ABLIM2: variants seen among roughly 807,000 people sequenced by gnomAD.
ABLIM2 encodes actin binding LIM protein family member 2, also known as actin-binding LIM protein 2.
Under a neutral mutation model 97.7 loss-of-function variants are expected in ABLIM2, and 53 were observed. The observed-to-expected ratio is 0.54, with a 90% CI of 0.44 to 0.68. The LOEUF is 0.68. ABLIM2 is among the 30% of genes least tolerant of loss of function. The probability of loss-of-function intolerance (pLI) is 0.00; values close to 1 mark genes in which losing one functional copy is unlikely to be tolerated. For missense variants in ABLIM2, 835 were observed against 867.2 expected (o/e 0.96, Z 0.47); for synonymous variants, 361 against 345.8 (o/e 1.04, Z -0.49).
At chr4:8,041,911 G>GA (rs58412726) in intron 9 of ABLIM2, among the ~76,000 whole-genome samples, 61,304 of 147,760 alleles carry the variant, frequency 0.41, 13,727 homozygotes, top group African/African-American at 0.62. Flanking sequence ...TTCAAAAAAA[G>GA]AAAAAAAAAA....
At chr4:8,157,731 G>C (rs1715838584) in intron 1 of ABLIM2, among the ~76,000 whole-genome samples, 1 of 152,296 alleles carries the variant, frequency 6.6e-6, no homozygotes, top group South Asian at 2.1e-4. Flanking sequence ...TGGCGCGACA[G>C]GCTTAGAGGA....
At position 8,132,942 on chromosome 4, in the gene ABLIM2, G is replaced by A. The variant is rs1317426813; in HGVS notation, c.10+25738C>T. Among the ~76,000 whole-genome samples the A allele has an allele frequency of 6.6e-6, 1 of 152,186 alleles. No homozygotes were observed. The highest frequency in any genetic ancestry group is 2.4e-5 in the African/African-American group (1 of 41,444). On this transcript the variant is annotated intron_variant, in intron 1 of 20. Transcript: ENST00000447017. The surrounding 1 kb of genome is among the most constrained non-coding windows in gnomAD (Gnocchi z 8.0). ...TGTCCCGTGGCTGCTGTGACACAGT[G>A]CCACAGACGGCAGCTTAACAACAGG... is the stretch of plus-strand genomic sequence containing the variant.
chr4:8,035,837 T>C (rs1046877103), intron 10 of ABLIM2, among the ~76,000 whole-genome samples: 2 of 152,126 alleles, frequency 1.3e-5, no homozygotes, highest in African/African-American at 2.4e-5. Flanking sequence ...TTAAGAAAAT[T>C]AGGAGATTTT....
intron 1 of ABLIM2, among the ~76,000 whole-genome samples, chr4:8,146,237 C>T (rs974823789): frequency 5.3e-5 from 8 of 152,198 alleles, no homozygotes; most frequent in Admixed American, 4.6e-4. Context: ...CAGGACCTCA[C>T]ACAGGGTTTG....
intron 2 of ABLIM2, among the ~76,000 whole-genome samples, chr4:8,102,700 C>T (rs1184483922): frequency 2.0e-4 from 30 of 152,210 alleles, no homozygotes; most frequent in Admixed American, 1.9e-3. Flanking sequence ...CCCAGGTAAA[C>T]TGAGGCACAA....
chr4:8,080,194 A>G (rs936572904), intron 5 of ABLIM2, among the ~76,000 whole-genome samples: 2 of 152,166 alleles, frequency 1.3e-5, no homozygotes, highest in African/African-American at 4.8e-5. Flanking sequence ...CGCTCTGCAG[A>G]AGACAGAGTG....
intron 17 of ABLIM2, among the ~76,000 whole-genome samples, chr4:7,990,928 C>T (rs1262731307): frequency 6.6e-6 from 1 of 152,176 alleles, no homozygotes; most frequent in African/African-American, 2.4e-5. Context: ...ACCAATCTCC[C>T]CCAGAAGCAA....
At chr4:7,975,199 C>T (rs531027561) in intron 20 of ABLIM2, among the ~76,000 whole-genome samples, 2 of 152,298 alleles carry the variant, frequency 1.3e-5, no homozygotes, top group East Asian at 3.9e-4. Context: ...CCCTAGGTGA[C>T]AGAGTGAGAC....
At chr4:8,131,663 TCCCGCATCCCTGA>T (rs1561606607) in intron 1 of ABLIM2, among the ~76,000 whole-genome samples, 4 of 62,244 alleles carry the variant, frequency 6.4e-5, no homozygotes, top group South Asian at 5.9e-4. Flanking sequence ...CAGCACAGCA[TCCCGCATCCCTGA>T]GCACAGCAGC....
At chr4:8,116,564 T>C (rs1464094771) in intron 1 of ABLIM2, among the ~76,000 whole-genome samples, 1 of 152,344 alleles carries the variant, frequency 6.6e-6, no homozygotes, top group African/African-American at 2.4e-5. Context: ...AATGGCTCCA[T>C]CTATGTTGCA....
intron 8 of ABLIM2, among the ~76,000 whole-genome samples, chr4:8,049,727 CATTTT>C (rs1203721446): frequency 5.3e-5 from 8 of 152,126 alleles, no homozygotes; most frequent in Admixed American, 2.0e-4. Context: ...CCAATCAGAA[CATTTT>C]ATTTTATTTT....
intron 2 of ABLIM2, among the ~76,000 whole-genome samples, chr4:8,104,724 C>T (rs1038726582): frequency 6.6e-6 from 1 of 152,190 alleles, no homozygotes; most frequent in Admixed American, 6.5e-5. Context: ...CTGCAGGGCT[C>T]CAAGTGCCGC....
At chr4:8,137,111 TGA>T (rs1850296757) in intron 1 of ABLIM2, among the ~76,000 whole-genome samples, 1 of 152,146 alleles carries the variant, frequency 6.6e-6, no homozygotes, top group Non-Finnish European at 1.5e-5. Flanking sequence ...TCCAGAAGTG[TGA>T]GAGTTCAACG....
intron 2 of ABLIM2, among the ~76,000 whole-genome samples, chr4:8,103,640 G>A (rs2152727564): frequency 6.6e-6 from 1 of 152,344 alleles, no homozygotes; most frequent in Admixed American, 6.5e-5. Context: ...CCAGCCCTGG[G>A]TCAGCCTGCC....
chr4:8,057,130 ACT>A lies in ABLIM2; in HGVS notation c.764-2886_764-2885del, dbSNP rs147774817. On this transcript the variant is annotated intron_variant, in intron 7 of 20. Coordinates refer to ENST00000447017, the MANE Select transcript of ABLIM2 (RefSeq NM_001130083.2). ...TTTTTTTTTTTTAAGACAAAGTCTC[ACT>A]CTGTTGTCCAGGCTAGAGTGCAGTT... Among the ~76,000 whole-genome samples, 6 of 127,334 alleles carry A rather than the reference ACT, an allele frequency of 4.7e-5. No homozygotes were observed. The East Asian group carries it at 1.3e-3, about 28-fold the overall frequency. 83.5% of individuals were successfully genotyped at this position (127,334 alleles called of 152,430 possible). A position where few individuals can be genotyped will look rare whatever the true frequency, so the allele number is the denominator to read the frequency against.
chr4:8,138,083 G>T (rs1388782479), intron 1 of ABLIM2, among the ~76,000 whole-genome samples: 1 of 152,210 alleles, frequency 6.6e-6, no homozygotes, highest in Non-Finnish European at 1.5e-5. Context: ...AATAGTGCAG[G>T]ATTCCACTGA....
At chr4:7,978,669 C>G (rs1240499795) in intron 20 of ABLIM2, among the ~76,000 whole-genome samples, 1 of 152,188 alleles carries the variant, frequency 6.6e-6, no homozygotes, top group African/African-American at 2.4e-5. Context: ...AGCAGGAACC[C>G]TCCCAGCAGT....
In ABLIM2 at chr4:8,033,359, G is replaced by A. The variant is rs984717063; in HGVS notation, c.1047+2790C>T. On this transcript the variant is annotated intron_variant, in intron 10 of 20. Transcript: ENST00000447017. The surrounding 1 kb of genome is among the most constrained non-coding windows in gnomAD (Gnocchi z 4.5). ...CATGGTTATTACAGCGCAATAACTC[G>A]ACGGCCTCTGGGAGGCTGCCACGGG... Among the ~76,000 whole-genome samples the A allele has an allele frequency of 3.3e-5, 5 of 152,194 alleles. No homozygotes were observed. Among genetic ancestry groups the A allele is most frequent in the African/African-American group, 9.6e-5 (4 of 41,462 alleles).
At chr4:8,077,824 T>A in intron 5 of ABLIM2, 103 bp from the exon 6 acceptor site, 1 of 948,604 alleles carries the variant, frequency 1.1e-6, no homozygotes, top group South Asian at 1.6e-5. Flanking sequence ...AGTGGGGGAA[T>A]GCCCACCTCC....
Sources: gnomAD v4.1 joint callset for allele counts (sites outside exome capture counted in the v4.1 genomes callset) on GRCh38, gnomAD v4.1.1 for gene constraint, Gnocchi (gnomAD v3.1) non-coding constraint, MANE v1.5 for transcripts, NCBI Gene and HGNC (gene_info 2026-07-23, HGNC 2026-07-21) for gene names.